Variants in PRKG1 observed in about 807,000 individuals in gnomAD.
PRKG1 encodes the protein cGMP-dependent protein kinase 1.
Under a neutral mutation model 88.1 loss-of-function variants are expected in PRKG1, and 35 were observed. That is an observed-to-expected ratio of 0.40 (90% confidence interval 0.30 to 0.53). The LOEUF (loss-of-function observed/expected upper bound fraction) is 0.53. Among genes scored for constraint, PRKG1 ranks in the 20% least tolerant of loss-of-function variants. The pLI, the probability that PRKG1 is intolerant of heterozygous loss-of-function variation, is 0.59. For synonymous variants in PRKG1, 303 were observed against 292.5 expected (o/e 1.04, Z -0.37); for missense variants, 540 against 839.8 (o/e 0.64, Z 4.41).
At chr10:51,774,468 G>C (rs759443389) in intron 3 of PRKG1, among the ~76,000 whole-genome samples, 10 of 151,838 alleles carry the variant, frequency 6.6e-5, no homozygotes, top group Non-Finnish European at 1.5e-4. Flanking sequence ...AAATTCAAAG[G>C]CCAAAACATA....
chr10:52,143,604 A>T (rs140094515), intron 8 of PRKG1, among the ~76,000 whole-genome samples: 98 of 152,152 alleles, frequency 6.4e-4, no homozygotes, highest in African/African-American at 2.2e-3. Flanking sequence ...GTAAAGGGAG[A>T]GCTTTAAAAC....
intron 3 of PRKG1, among the ~76,000 whole-genome samples, chr10:51,477,716 T>C (rs551405748): frequency 3.3e-5 from 5 of 152,092 alleles, no homozygotes; most frequent in South Asian, 4.1e-4. Flanking sequence ...AGAAATAATC[T>C]GGAAGGGAGT....
chr10:51,255,680 A>G (rs1326676937), intron 2 of PRKG1, among the ~76,000 whole-genome samples: 2 of 152,112 alleles, frequency 1.3e-5, no homozygotes, highest in African/African-American at 4.8e-5. Flanking sequence ...TTCGGGAGGA[A>G]GTAACTTCCC....
intron 1 of PRKG1, among the ~76,000 whole-genome samples, chr10:51,034,384 A>G (rs1490689580): frequency 6.6e-6 from 1 of 152,034 alleles, no homozygotes; most frequent in Admixed American, 6.6e-5. Flanking sequence ...ACAGAATATT[A>G]TCATGCACTT....
intron 4 of PRKG1, among the ~76,000 whole-genome samples, chr10:51,899,471 C>G (rs1841930984): frequency 6.6e-6 from 1 of 151,324 alleles, no homozygotes; most frequent in African/African-American, 2.4e-5. Context: ...TCGAGACCAG[C>G]CTGACTAACA....
intron 2 of PRKG1, among the ~76,000 whole-genome samples, chr10:51,283,101 A>G (rs1840343334): frequency 6.6e-6 from 1 of 152,164 alleles, no homozygotes; most frequent in Non-Finnish European, 1.5e-5. Flanking sequence ...CAACATTTCT[A>G]TATCTCTGTC....
Position 51,634,640 on chromosome 10 carries a change from C to T in PRKG1, c.592+166804C>T, listed in dbSNP as rs1057225501. Among the ~76,000 whole-genome samples, 10 of 152,076 alleles carry T rather than the reference C, an allele frequency of 6.6e-5. No homozygotes were observed. In the South Asian group the frequency reaches 1.5e-3, roughly 22 times the overall value. On this transcript the variant is annotated intron_variant, in intron 3 of 17. Coordinates refer to ENST00000373980, the MANE Select transcript of PRKG1 (RefSeq NM_006258.4). ...GGAGATACTGACAATTCTTAAGAAT[C>T]GACTTTACACTAGTCATGATAAATC...
chr10:51,854,997 G>T (rs1382736316), intron 4 of PRKG1, among the ~76,000 whole-genome samples: 1 of 152,282 alleles, frequency 6.6e-6, no homozygotes, highest in African/African-American at 2.4e-5. Flanking sequence ...CTGCAAAGTG[G>T]ATGAGTGTTA....
intron 3 of PRKG1, among the ~76,000 whole-genome samples, chr10:51,642,284 G>T (rs1212775554): frequency 6.6e-6 from 1 of 152,122 alleles, no homozygotes; most frequent in African/African-American, 2.4e-5. Context: ...CAGCTACTCA[G>T]GGGGCTGAGG....
At chr10:51,660,808 T>C (rs1840279918) in intron 3 of PRKG1, among the ~76,000 whole-genome samples, 1 of 152,084 alleles carries the variant, frequency 6.6e-6, no homozygotes, top group African/African-American at 2.4e-5. Flanking sequence ...TAAAAAGGGT[T>C]GCATGCAGTT....
At chr10:51,080,589 C>T (rs1844083555) in intron 1 of PRKG1, among the ~76,000 whole-genome samples, 1 of 152,228 alleles carries the variant, frequency 6.6e-6, no homozygotes, top group Non-Finnish European at 1.5e-5. Context: ...TCCAGATCCT[C>T]TGACTTGAAC....
intron 2 of PRKG1, among the ~76,000 whole-genome samples, chr10:51,370,319 C>A (rs1842675399): frequency 6.6e-6 from 1 of 152,052 alleles, no homozygotes; most frequent in South Asian, 2.1e-4. Flanking sequence ...ATGGATCCAT[C>A]CTTATTTCTT....
intron 3 of PRKG1, among the ~76,000 whole-genome samples, chr10:51,528,923 C>G (rs1326947498): frequency 6.6e-6 from 1 of 152,122 alleles, no homozygotes; most frequent in Non-Finnish European, 1.5e-5. Flanking sequence ...GTCATACCTA[C>G]TGATTAAAAT....
At chr10:51,945,670 G>A (rs1240839593) in intron 5 of PRKG1, among the ~76,000 whole-genome samples, 54 of 150,770 alleles carry the variant, frequency 3.6e-4, no homozygotes, top group Admixed American at 9.9e-4. Context: ...AAATCTCTCA[G>A]CATTTGCTTG....
At chr10:51,910,446 G>A (rs190742299) in intron 5 of PRKG1, 224 of 152,276 alleles carry the variant, frequency 1.5e-3, no homozygotes, top group African/African-American at 5.1e-3. Context: ...TGTGAAATCA[G>A]CTGGGAGAAG....
At chr10:51,150,870 A>G (rs1255110121) in intron 1 of PRKG1, among the ~76,000 whole-genome samples, 5 of 152,176 alleles carry the variant, frequency 3.3e-5, no homozygotes, top group Admixed American at 6.6e-5. Flanking sequence ...TATCTTCATC[A>G]AACAGATTAA....
intron 2 of PRKG1, among the ~76,000 whole-genome samples, chr10:51,214,508 G>T (rs1040891678): frequency 3.3e-5 from 5 of 151,832 alleles, no homozygotes; most frequent in African/African-American, 4.8e-5. Context: ...TTTTGACAGG[G>T]TATTGCTCTT....
At chr10:51,942,592 C>T (rs1437650064) in intron 5 of PRKG1, among the ~76,000 whole-genome samples, 11 of 147,710 alleles carry the variant, frequency 7.4e-5, no homozygotes, top group African/African-American at 2.6e-4. Flanking sequence ...TTAGGTCTAA[C>T]GTTTAAGTCT....
chr10:51,224,437 G>A (rs1267315381), intron 2 of PRKG1, among the ~76,000 whole-genome samples: 1 of 152,186 alleles, frequency 6.6e-6, no homozygotes, highest in Non-Finnish European at 1.5e-5. Context: ...AATATTTATT[G>A]CTCAGAGATT....
Sources: gnomAD v4.1 joint callset for allele counts (sites outside exome capture counted in the v4.1 genomes callset) on GRCh38, gnomAD v4.1.1 for gene constraint, MANE v1.5 for transcripts, NCBI Gene and HGNC (gene_info 2026-07-23, HGNC 2026-07-21) for gene names.